METTL16: variants seen among roughly 807,000 people sequenced by gnomAD.
METTL16 encodes the protein RNA N(6)-adenosine-methyltransferase METTL16.
METTL16 carries 19 observed loss-of-function variants against 57.9 expected under a neutral mutation model. That is an observed-to-expected ratio of 0.33 (90% CI 0.23 to 0.48). METTL16 has a LOEUF of 0.48. METTL16 is among the 20% of genes least tolerant of loss of function. METTL16 has a pLI of 0.99. For missense variants in METTL16, 434 were observed against 691.5 expected (o/e 0.63, Z 4.18); for synonymous variants, 246 against 255.6 (o/e 0.96, Z 0.36).
At chr17:2,497,705 A>G (rs971574463) in intron 2 of METTL16, among the ~76,000 whole-genome samples, 14 of 151,528 alleles carry the variant, frequency 9.2e-5, no homozygotes, top group African/African-American at 3.4e-4. Flanking sequence ...TTGTAAAAAC[A>G]CATCTGTTAG....
intron 6 of METTL16, among the ~76,000 whole-genome samples, chr17:2,445,716 G>A (rs1276376255): frequency 6.6e-6 from 1 of 151,708 alleles, no homozygotes; most frequent in African/African-American, 2.4e-5. Context: ...AACCCGAGAG[G>A]CAGAGGTCAC....
chr17:2,487,003 CAAAAAAAAA>C (rs11397318), intron 2 of METTL16, among the ~76,000 whole-genome samples: 1 of 57,426 alleles, frequency 1.7e-5, no homozygotes, highest in African/African-American at 7.7e-5. Context: ...GATCCTGTCT[CAAAAAAAAA>C]AAAAAAAAAA....
chr17:2,423,842 T>C (rs1381140926), intron 8 of METTL16, among the ~76,000 whole-genome samples: 1 of 152,222 alleles, frequency 6.6e-6, no homozygotes, highest in Non-Finnish European at 1.5e-5. Context: ...TCATCATTTC[T>C]AGAGATTAAA....
chr17:2,430,452 G>T (rs958826929), intron 8 of METTL16, among the ~76,000 whole-genome samples: 2 of 115,270 alleles, frequency 1.7e-5, no homozygotes, highest in African/African-American at 6.9e-5. Context: ...GTCTCGCTCT[G>T]TCGCCCAGGC....
chr17:2,447,079 C>A (rs1279006967), intron 6 of METTL16, among the ~76,000 whole-genome samples: 19 of 146,758 alleles, frequency 1.3e-4, no homozygotes, highest in African/African-American at 4.6e-4. Context: ...GCCTGGCTGC[C>A]CAGTCTGGAA....
chr17:2,494,982 T>C (rs536176333), intron 2 of METTL16, among the ~76,000 whole-genome samples: 7 of 151,682 alleles, frequency 4.6e-5, no homozygotes, highest in Non-Finnish European at 1.0e-4. Context: ...TAGATAGTGA[T>C]TCCTCAGACA....
intron 2 of METTL16, among the ~76,000 whole-genome samples, chr17:2,495,694 CA>C (rs58828846): frequency 0.75 from 85,829 of 114,724 alleles, 31,111 homozygotes; most frequent in Non-Finnish European, 0.8. Flanking sequence ...GACTCTGTCT[CA>C]AAAAAAAAAA....
intron 8 of METTL16, among the ~76,000 whole-genome samples, chr17:2,422,395 A>G (rs1040103641): frequency 6.7e-6 from 1 of 149,948 alleles, no homozygotes; most frequent in African/African-American, 2.4e-5. Context: ...TTATTCATTT[A>G]TTTATTTTTG....
At chr17:2,471,271 A>C (rs1162891887) in intron 4 of METTL16, among the ~76,000 whole-genome samples, 1 of 152,138 alleles carries the variant, frequency 6.6e-6, no homozygotes, top group Non-Finnish European at 1.5e-5. Flanking sequence ...TCCCAGGTTC[A>C]AGTGATTCTT....
chr17:2,493,149 G>C (rs1006030036), intron 2 of METTL16, among the ~76,000 whole-genome samples: 3 of 127,016 alleles, frequency 2.4e-5, no homozygotes, highest in Non-Finnish European at 3.3e-5. Flanking sequence ...TTTTTTTTGA[G>C]ACAATTTCAG....
In METTL16 at chr17:2,461,484, A is replaced by T. The variant is rs550412103; in HGVS notation, c.728+2724T>A. On this transcript the variant is annotated intron_variant, in intron 6 of 9. Coordinates refer to ENST00000263092, the MANE Select transcript of METTL16 (RefSeq NM_024086.4). The stretch of plus-strand genomic sequence containing the variant: ...GATAGGAAAGATTTATAGAATAAGA[A>T]TATACAAAGATTGAAAAGGTAGTAG... Among the ~76,000 whole-genome samples the T allele has an allele frequency of 4.6e-5, 7 of 152,294 alleles. No homozygotes were observed. In the South Asian group the frequency reaches 1.5e-3, roughly 32 times the overall value.
rs1332930618 is a variant in METTL16, at chr17:2,420,403, C to T, written c.1256G>A (p.Ser419Asn). The change falls in exon 10 of 10, where the codon AGC becomes AAC. Residue 419 changes from serine to asparagine, a missense_variant. Physicochemically the swap from Ser to Asn is conservative, Grantham distance 46. Coordinates refer to ENST00000263092, the MANE Select transcript of METTL16 (RefSeq NM_024086.4). The surrounding 1 kb of genome is among the most constrained non-coding windows in gnomAD (Gnocchi z 5.4). ...KKPTPKESGN[S>N]QELARGPQER... ...CTGGGGGCCCCTGGCCAGTTCTTGGCTATTGCCAGACTCTTTGGGGGTGGG... is the reference window on the plus strand; with the variant it reads ...CTGGGGGCCCCTGGCCAGTTCTTGGTTATTGCCAGACTCTTTGGGGGTGGG... The T allele has an allele frequency of 6.2e-7, 1 of 1,613,908 alleles. No individual in the cohort carries two copies.
At chr17:2,466,098 C>T (rs2067193122) in intron 5 of METTL16, among the ~76,000 whole-genome samples, 1 of 149,186 alleles carries the variant, frequency 6.7e-6, no homozygotes, top group African/African-American at 2.5e-5. Context: ...AAGGCTGAGG[C>T]AGGAGAATTG....
intron 7 of METTL16, among the ~76,000 whole-genome samples, chr17:2,439,458 C>A (rs2066931587): frequency 6.6e-6 from 1 of 152,162 alleles, no homozygotes; most frequent in Middle Eastern, 3.4e-3. Flanking sequence ...GAGCACGGGG[C>A]TCTGCTCTTG....
At position 2,502,191 on chromosome 17, in the gene METTL16, A is replaced by T; in HGVS notation, c.128+13T>A. The T allele has an allele frequency of 6.2e-7, 1 of 1,611,350 alleles. No individual in the cohort carries two copies. The highest frequency in any genetic ancestry group is 1.7e-5 in the Admixed American group (1 of 59,714). Reference sequence around the variant, plus strand: ...CACACAAGAATAACAGTGATTTTTCATCCGTTACCTACCTCACTCTTCCAT... The same window carrying T: ...CACACAAGAATAACAGTGATTTTTCTTCCGTTACCTACCTCACTCTTCCAT... On this transcript the variant is annotated intron_variant, in intron 2 of 9. Coordinates refer to ENST00000263092, the MANE Select transcript of METTL16 (RefSeq NM_024086.4).
intron 6 of METTL16, among the ~76,000 whole-genome samples, chr17:2,452,035 G>A (rs1382785046): frequency 6.6e-6 from 1 of 151,686 alleles, no homozygotes; most frequent in African/African-American, 2.4e-5. Context: ...TACTAGGGGG[G>A]CTGAGGTGAT....
At position 2,464,369 on chromosome 17, in the gene METTL16, C is replaced by A. The variant is rs760576208; in HGVS notation, c.586-19G>T. On this transcript the variant is annotated intron_variant, in intron 5 of 9. Transcript: ENST00000263092. The stretch of plus-strand genomic sequence containing the variant: ...TTACTCCCTGAAAAACAACAAAAAA[C>A]CCTGGTGAAAAATGTGTACACCCCA... The A allele has an allele frequency of 1.3e-5, 20 of 1,581,950 alleles. No homozygotes were observed. The highest frequency in any genetic ancestry group is 1.6e-5 in the Non-Finnish European group (19 of 1,169,104).
At position 2,461,119 on chromosome 17, in the gene METTL16, G is replaced by A. The variant is rs2067146901; in HGVS notation, c.728+3089C>T. On this transcript the variant is annotated intron_variant, in intron 6 of 9. Coordinates refer to ENST00000263092, the MANE Select transcript of METTL16 (RefSeq NM_024086.4). ...TGTAATCCTAACACGTTGGGAGGCT[G>A]AGACAGGAGAATCACCTGAGGTCAA... 2.6e-5 allele frequency among the ~76,000 whole-genome samples: 4 copies of A among 152,178 alleles called. No individual in the cohort carries two copies. The South Asian group carries it at 8.3e-4, about 32-fold the overall frequency.
chr17:2,479,048 C>T (rs1008059780), intron 2 of METTL16, among the ~76,000 whole-genome samples: 2 of 152,172 alleles, frequency 1.3e-5, no homozygotes, highest in African/African-American at 4.8e-5. Flanking sequence ...TTTTAAGAAA[C>T]TTGTACCAAT....
Sources: allele counts gnomAD v4.1 joint callset (sites outside exome capture counted in the v4.1 genomes callset), GRCh38; gene constraint gnomAD v4.1.1; non-coding constraint Gnocchi (gnomAD v3.1); transcripts MANE v1.5; gene names NCBI Gene and HGNC (gene_info 2026-07-23, HGNC 2026-07-21).